The following PALS2 variants were observed in gnomAD, a reference collection of about 807,000 sequenced individuals.
PALS2 encodes the protein protein associated with LIN7 2, MAGUK p55 family member.
PALS2 carries 27 observed loss-of-function variants against 61.6 expected under a neutral mutation model. That is an observed-to-expected ratio of 0.44 (90% CI 0.32 to 0.60). The LOEUF (loss-of-function observed/expected upper bound fraction) is 0.60, where lower values mean the gene tolerates loss of function less well. Ranked by LOEUF, PALS2 falls within the 20% of genes least tolerant of loss-of-function variation. The pLI is 0.05. For synonymous variants in PALS2, 236 were observed against 218.6 expected, an observed-to-expected ratio of 1.08 and a Z score of -0.70; for missense variants, 554 against 639.4, an observed-to-expected ratio of 0.87 and a Z score of 1.44.
chr7:24,637,489 T>A (rs1785296237), intron 2 of PALS2, among the ~76,000 whole-genome samples: 1 of 152,048 alleles, frequency 6.6e-6, no homozygotes, highest in Non-Finnish European at 1.5e-5. Flanking sequence ...AAGAAGAGGG[T>A]GGTGCTTGAT....
chr7:24,623,357 C>T (rs1354546717), intron 1 of PALS2, among the ~76,000 whole-genome samples: 1 of 151,760 alleles, frequency 6.6e-6, no homozygotes, highest in East Asian at 1.9e-4. Context: ...TTTGAATTTT[C>T]TGTTTTTTCT....
chr7:24,579,290 CAG>C (rs1314014441), intron 1 of PALS2, among the ~76,000 whole-genome samples: 1 of 152,162 alleles, frequency 6.6e-6, no homozygotes, highest in Non-Finnish European at 1.5e-5. Context: ...TATTAGTTAA[CAG>C]GGGCTTTCAC....
chr7:24,591,466 A>G (rs905903054), intron 1 of PALS2, among the ~76,000 whole-genome samples: 3 of 152,144 alleles, frequency 2.0e-5, no homozygotes, highest in African/African-American at 7.2e-5. Context: ...GAATTTTAAA[A>G]TTTCATCCAA....
intron 5 of PALS2, among the ~76,000 whole-genome samples, chr7:24,661,712 A>G (rs1390923893): frequency 6.6e-6 from 1 of 152,218 alleles, no homozygotes; most frequent in African/African-American, 2.4e-5. Flanking sequence ...GTGGACAATT[A>G]ATTAGGGAGG....
intron 2 of PALS2, among the ~76,000 whole-genome samples, chr7:24,636,568 A>G (rs1263994760): frequency 6.6e-6 from 1 of 152,210 alleles, no homozygotes; most frequent in East Asian, 1.9e-4. Context: ...ATTTAAAATA[A>G]TGGATATGGT....
At chr7:24,593,788 A>G (rs1453696125) in intron 1 of PALS2, among the ~76,000 whole-genome samples, 19 of 152,062 alleles carry the variant, frequency 1.2e-4, no homozygotes, top group Non-Finnish European at 5.9e-5. Context: ...GTTTTGTTCC[A>G]TTTATAGTGC....
intron 3 of PALS2, among the ~76,000 whole-genome samples, chr7:24,642,324 G>C (rs1785598836): frequency 6.6e-6 from 1 of 152,030 alleles, no homozygotes; most frequent in Admixed American, 6.6e-5. Flanking sequence ...AATCTCCACA[G>C]GTACAGAAAT....
intron 2 of PALS2, among the ~76,000 whole-genome samples, chr7:24,640,970 T>A (rs1785514761): frequency 7.9e-6 from 1 of 125,872 alleles, no homozygotes. Flanking sequence ...GTCGCGCCAC[T>A]GCACTCCAGC....
rs1282021417 is a variant in PALS2, at chr7:24,691,385, A to G, written c.*3771A>G. 1 of 57,016 alleles carries G rather than the reference A, an allele frequency of 1.8e-5. No individual in the cohort carries two copies. Among genetic ancestry groups the G allele is most frequent in the African/African-American group, 1.1e-4 (1 of 9,152 alleles). The allele number at this position is 57,016 out of a possible 1,614,324, so 3.5% of individuals were successfully genotyped here. On this transcript the variant is annotated 3_prime_UTR_variant, in exon 12 of 12. Transcript: ENST00000222644. ...TTAAATGTTCGAGTTGCCATATATT[A>G]TGTATGTGTGTGTGTGTGTGTATAT...
In PALS2 at chr7:24,579,450, A is replaced by G. The variant is rs1782755110; in HGVS notation, c.-3+5857A>G. Among the ~76,000 whole-genome samples the G allele has an allele frequency of 3.3e-5, 5 of 152,346 alleles. No individual in the cohort carries two copies. The South Asian group carries it at 1.0e-3, about 32-fold the overall frequency. The stretch of plus-strand genomic sequence containing the variant: ...TTAATGCACAACTTATTTGAACACT[A>G]ACTTGCATTGCTTTGTTTTTGGCTA... On this transcript the variant is annotated intron_variant, in intron 1 of 11. Coordinates refer to ENST00000222644, the MANE Select transcript of PALS2 (RefSeq NM_001303037.2).
intron 5 of PALS2, among the ~76,000 whole-genome samples, chr7:24,662,768 GAAAAAAAAAAAA>G (rs59367702): frequency 6.8e-5 from 7 of 102,614 alleles, no homozygotes; most frequent in Non-Finnish European, 1.1e-4. Context: ...GACTCCATCT[GAAAAAAAAAAAA>G]AAAAAAAAAA....
At chr7:24,603,250 C>A (rs1046367759) in intron 1 of PALS2, among the ~76,000 whole-genome samples, 2 of 152,198 alleles carry the variant, frequency 1.3e-5, no homozygotes, top group Admixed American at 1.3e-4. Context: ...TTAGGACTAG[C>A]TGAGAAAACC....
At chr7:24,580,478 C>T (rs868477234) in intron 1 of PALS2, among the ~76,000 whole-genome samples, 1 of 152,124 alleles carries the variant, frequency 6.6e-6, no homozygotes, top group African/African-American at 2.4e-5. Flanking sequence ...GGTCTCTCAC[C>T]AGGTCAATAC....
In PALS2 at chr7:24,596,915, T is replaced by C. The variant is rs1199696127; in HGVS notation, c.-3+23322T>C. 1.3e-5 allele frequency among the ~76,000 whole-genome samples: 2 copies of C among 152,114 alleles called. No individual in the cohort carries two copies. Among genetic ancestry groups the C allele is most frequent in the Admixed American group, 6.6e-5 (1 of 15,224 alleles). On this transcript the variant is annotated intron_variant, in intron 1 of 11. Coordinates refer to ENST00000222644, the MANE Select transcript of PALS2 (RefSeq NM_001303037.2). This position sits in a 1 kb window ranked among gnomAD's most constrained non-coding sequence, Gnocchi z 4.5. ...CAGTGAAATTTTTAGAGTGGAATTG[T>C]GGTGAAGATTACTTTGAGACTTTTA...
intron 1 of PALS2, among the ~76,000 whole-genome samples, chr7:24,606,351 C>A (rs549988653): frequency 8.5e-5 from 13 of 152,114 alleles, no homozygotes; most frequent in Non-Finnish European, 1.8e-4. Flanking sequence ...AATTTGTCTT[C>A]CACAGTTCTT....
At chr7:24,643,966 C>G (rs890753519) in intron 3 of PALS2, among the ~76,000 whole-genome samples, 1 of 152,036 alleles carries the variant, frequency 6.6e-6, no homozygotes, top group Non-Finnish European at 1.5e-5. Context: ...CTAATCCTTT[C>G]TTTGATTACT....
chr7:24,655,564 C>T (rs1038892649), intron 5 of PALS2, among the ~76,000 whole-genome samples: 7 of 149,624 alleles, frequency 4.7e-5, no homozygotes, highest in Non-Finnish European at 8.9e-5. Context: ...AGTCCTTGCA[C>T]GAACCAGTGA....
chr7:24,625,000 A>G (rs1173040633), intron 2 of PALS2, among the ~76,000 whole-genome samples: 1 of 152,194 alleles, frequency 6.6e-6, no homozygotes, highest in African/African-American at 2.4e-5. Context: ...AGATCATCCA[A>G]CTGGAATTTT....
At chr7:24,661,628 C>T (rs1648360962) in intron 5 of PALS2, among the ~76,000 whole-genome samples, 2 of 152,152 alleles carry the variant, frequency 1.3e-5, no homozygotes, top group Non-Finnish European at 2.9e-5. Flanking sequence ...GCATACCAAT[C>T]CTTTTTCTCT....
Sources: gnomAD v4.1 joint callset for allele counts (sites outside exome capture counted in the v4.1 genomes callset) on GRCh38, gnomAD v4.1.1 for gene constraint, Gnocchi (gnomAD v3.1) non-coding constraint, MANE v1.5 for transcripts, NCBI Gene and HGNC (gene_info 2026-07-23, HGNC 2026-07-21) for gene names.